Variants in BRWD1 observed in about 807,000 individuals in gnomAD.
BRWD1 encodes the protein bromodomain and WD repeat domain containing 1, also known as bromodomain and WD repeat-containing protein 1.
In BRWD1, 82 loss-of-function variants were observed where a neutral mutation model predicts 251.2. The ratio of observed to expected loss-of-function variants is 0.33; its 90% CI spans 0.27 to 0.39. The LOEUF is 0.39. Ranked by LOEUF, BRWD1 falls within the 10% of genes least tolerant of loss-of-function variation. The pLI is 1.00. For synonymous variants in BRWD1, 918 were observed against 902.8 expected, an observed-to-expected ratio of 1.02 and a Z score of -0.30; for missense variants, 2,233 against 2,711.6, an observed-to-expected ratio of 0.82 and a Z score of 3.92.
In BRWD1 at chr21:39,290,373, C is replaced by A. The variant is rs2035772868; in HGVS notation, c.831+3438G>T. On this transcript the variant is annotated intron_variant, in intron 8 of 40. Transcript: ENST00000342449. ...GCGTGGTGGCACGTGCCTGTAGCCCCAGCTACTCGGGAGGCTGAGGCGCAG... is the reference window on the plus strand; with the variant it reads ...GCGTGGTGGCACGTGCCTGTAGCCCAAGCTACTCGGGAGGCTGAGGCGCAG... Among the ~76,000 whole-genome samples, 7 of 151,864 alleles carry A rather than the reference C, an allele frequency of 4.6e-5. 1 individual carries two copies. In the South Asian group the frequency reaches 1.5e-3, roughly 32 times the overall value.
chr21:39,241,189 G>A (rs531160098), intron 21 of BRWD1, among the ~76,000 whole-genome samples: 1 of 151,656 alleles, frequency 6.6e-6, no homozygotes, highest in African/African-American at 2.4e-5. Context: ...AACAGGGCTG[G>A]GCATGGTGGC....
At position 39,215,266 on chromosome 21, in the gene BRWD1, C is replaced by G; in HGVS notation, c.3756G>C (p.Lys1252Asn). The stretch of plus-strand genomic sequence containing the variant: ...TAAATTTTAAAAGTTGGTCAGTTAT[C>G]TTTTTAGCTGATCTTGCAATTACAC... ...PESVIARSAKKITDQLLKFIK... is the reference protein window; with the variant it reads ...PESVIARSAKNITDQLLKFIK... The change falls in exon 32 of 41, where the codon AAG becomes AAC. Residue 1252 changes from lysine to asparagine, a missense_variant. Around this residue, in one of 12 missense-constraint regions of BRWD1, gnomAD observed 167 missense variants for 183.2 expected, o/e 0.91. Coordinates refer to ENST00000342449, the MANE Select transcript of BRWD1 (RefSeq NM_033656.4). 2 of 1,612,442 alleles carry G rather than the reference C, an allele frequency of 1.2e-6. No homozygotes were observed. Among genetic ancestry groups the G allele is most frequent in the Non-Finnish European group, 1.7e-6 (2 of 1,178,746 alleles).
In BRWD1 at chr21:39,238,475, A is replaced by G. The variant is rs373114040; in HGVS notation, c.2576+4T>C. ...TAAAAGACCACAACAATAAAAACAGATACCTTGAACTTTCGCTGTAACTCT... is the reference window on the plus strand; with the variant it reads ...TAAAAGACCACAACAATAAAAACAGGTACCTTGAACTTTCGCTGTAACTCT... On this transcript the variant is annotated splice_donor_region_variant and intron_variant, in intron 22 of 40. Coordinates refer to ENST00000342449, the MANE Select transcript of BRWD1 (RefSeq NM_033656.4). 99 of 1,606,918 alleles carry G rather than the reference A, an allele frequency of 6.2e-5. No homozygotes were observed. The highest frequency in any genetic ancestry group is 2.6e-5 in the Non-Finnish European group (30 of 1,173,846).
upstream of BRWD1, chr21:39,313,817 C>G (rs982230028): frequency 5.6e-6 from 2 of 358,042 alleles, no homozygotes; most frequent in Non-Finnish European, 1.0e-5. Flanking sequence ...GAGGCAAAGA[C>G]CTGGGCGCCG....
chr21:39,304,412 A>G (rs1488719826), intron 4 of BRWD1, among the ~76,000 whole-genome samples: 2 of 151,880 alleles, frequency 1.3e-5, no homozygotes, highest in African/African-American at 4.8e-5. Context: ...AGAGTTCAAG[A>G]TGAGCCTAGG....
chr21:39,224,618 T>C (rs1463764172), intron 28 of BRWD1, 149 bp from the exon 29 acceptor site: 1 of 558,448 alleles, frequency 1.8e-6, no homozygotes, highest in African/African-American at 1.9e-5. Context: ...TTAAGAAGGA[T>C]ATATTATTAA....
upstream of BRWD1, chr21:39,314,231 G>T: frequency 4.4e-6 from 2 of 455,636 alleles, no homozygotes; most frequent in South Asian, 1.6e-5. Context: ...TCCTGGGGCG[G>T]GGGCCTCGTA....
chr21:39,260,964 T>C (rs958097152), intron 17 of BRWD1, among the ~76,000 whole-genome samples: 4 of 152,156 alleles, frequency 2.6e-5, no homozygotes, highest in Non-Finnish European at 4.4e-5. Flanking sequence ...CTCACGCCTG[T>C]CTGTAATCCC....
At chr21:39,229,559 T>C (rs1206656503) in intron 25 of BRWD1, 123 bp from the exon 26 acceptor site, 5 of 838,754 alleles carry the variant, frequency 6.0e-6, no homozygotes, top group Non-Finnish European at 3.7e-6. Flanking sequence ...ACAAGTTTAA[T>C]TAATACCATT....
At chr21:39,213,226 C>A (rs771370186) in intron 33 of BRWD1, among the ~76,000 whole-genome samples, 3 of 152,146 alleles carry the variant, frequency 2.0e-5, no homozygotes, top group Non-Finnish European at 2.9e-5. Flanking sequence ...TTATATAATA[C>A]ACCTTTCACT....
At chr21:39,278,469 T>C (rs566231520) in intron 10 of BRWD1, 69 of 376,354 alleles carry the variant, frequency 1.8e-4, no homozygotes, top group African/African-American at 1.4e-3. Context: ...ATCATACACA[T>C]AGTACTGGCA....
chr21:39,313,209 A>C (rs118102968), intron 2 of BRWD1, 32 bp downstream of exon 2: 1 of 1,523,308 alleles, frequency 6.6e-7, no homozygotes, highest in Non-Finnish European at 8.8e-7. Flanking sequence ...TGGGGACGCC[A>C]AGTCCGCAGC....
intron 17 of BRWD1, among the ~76,000 whole-genome samples, chr21:39,260,324 C>G (rs2034700530): frequency 2.0e-5 from 3 of 151,758 alleles, no homozygotes; most frequent in Admixed American, 6.6e-5. Flanking sequence ...TTGGTAGACA[C>G]AAAGTCTTGC....
In BRWD1 at chr21:39,198,833, T is replaced by A; in HGVS notation, c.5583A>T (p.Ser1861=). ...CDPIAMSQCS[S]DHGCETDLDS... is the part of the protein sequence containing the mutation. ...CTAAATCAGTTTCACATCCATGATC[T>A]GAGGAACACTGGGACATAGCAATAG... The change falls in exon 40 of 41, where the codon TCA becomes TCT. Residue 1861 remains serine, a synonymous_variant. Transcript: ENST00000342449. The A allele has an allele frequency of 6.2e-7, 1 of 1,613,304 alleles. No homozygotes were observed.
chr21:39,270,618 A>G (rs536196197), intron 13 of BRWD1, among the ~76,000 whole-genome samples, 185 bp from the exon 14 acceptor site: 1 of 152,354 alleles, frequency 6.6e-6, no homozygotes, highest in Admixed American at 6.5e-5. Context: ...AAACCTGAAG[A>G]AGGGAGGGAT....
At chr21:39,255,937 A>G (rs2034549574) in intron 18 of BRWD1, 109 bp from the exon 19 acceptor site, 1 of 975,462 alleles carries the variant, frequency 1.0e-6, no homozygotes, top group Non-Finnish European at 1.5e-6. Context: ...ATAAAGAACT[A>G]AGAGAAGATA....
rs890095749 is a variant in BRWD1 at position 39,313,612 on chromosome 21, G to A, written c.-121C>T. ...GCGCGCCGCCGCCGCCGCCGCCGCCGCCATACCGTGCGCGCCGCCTGGACC... is the reference window on the plus strand; with the variant it reads ...GCGCGCCGCCGCCGCCGCCGCCGCCACCATACCGTGCGCGCCGCCTGGACC... On this transcript the variant is annotated 5_prime_UTR_variant, in exon 1 of 41. Transcript: ENST00000342449. 7.7e-6 allele frequency: 6 copies of A among 775,960 alleles called. No individual in the cohort carries two copies. The highest frequency in any genetic ancestry group is 3.8e-5 in the African/African-American group (2 of 52,128). 48.1% of individuals were successfully genotyped at this position (775,960 alleles called of 1,614,324 possible). A position where few individuals can be genotyped will look rare whatever the true frequency, so the allele number is the denominator to read the frequency against.
At chr21:39,265,557 C>T (rs2034892855) in intron 15 of BRWD1, among the ~76,000 whole-genome samples, 1 of 152,240 alleles carries the variant, frequency 6.6e-6, no homozygotes, top group South Asian at 2.1e-4. Flanking sequence ...AGCATTAGTT[C>T]TCCAAGTGCT....
At chr21:39,279,315 T>G (rs2035374815) in intron 9 of BRWD1, among the ~76,000 whole-genome samples, 2 of 151,960 alleles carry the variant, frequency 1.3e-5, no homozygotes, top group Non-Finnish European at 1.5e-5. Flanking sequence ...TCATTGAAAA[T>G]TTCACATACT....
Sources: allele counts gnomAD v4.1 joint callset (sites outside exome capture counted in the v4.1 genomes callset), GRCh38; gene constraint gnomAD v4.1.1; regional missense constraint gnomAD v4.1.1; transcripts MANE v1.5; gene names NCBI Gene and HGNC (gene_info 2026-07-23, HGNC 2026-07-21).